NUP160: variants seen among roughly 807,000 people sequenced by gnomAD.
NUP160 encodes the protein nuclear pore complex protein Nup160.
In NUP160, 94 loss-of-function variants were observed where a neutral mutation model predicts 196.9. The observed-to-expected ratio is 0.48, with a 90% CI of 0.40 to 0.57. The LOEUF is 0.57. NUP160 is among the 20% of genes least tolerant of loss of function. The probability of loss-of-function intolerance (pLI) is 0.00; values close to 1 mark genes in which losing one functional copy is unlikely to be tolerated. For missense variants in NUP160, 1,638 were observed against 1,748.3 expected (o/e 0.94, Z 1.13); for synonymous variants, 605 against 619.7 (o/e 0.98, Z 0.35).
chr11:47,801,381 C>A (rs547866009), intron 23 of NUP160, among the ~76,000 whole-genome samples: 1 of 151,908 alleles, frequency 6.6e-6, no homozygotes, highest in East Asian at 1.9e-4. Context: ...GACGGAGTCT[C>A]GCTCTGTCAC....
intron 1 of NUP160, 30 bp from the exon 2 acceptor site, chr11:47,847,989 C>T (rs767599542): frequency 6.5e-7 from 1 of 1,546,718 alleles, no homozygotes; most frequent in Non-Finnish European, 8.9e-7. Flanking sequence ...AGCCTGCACA[C>T]GCGTCTTCTG....
rs550028663 is a variant in NUP160, at chr11:47,803,776, T to G, written c.2677-240A>C. On this transcript the variant is annotated intron_variant, in intron 21 of 35. Transcript: ENST00000378460. ...ACACATACTTTACATCTCAGCAATTTTCCAATTTTTGGTATTTATTGGTTC... is the reference window on the plus strand; with the variant it reads ...ACACATACTTTACATCTCAGCAATTGTCCAATTTTTGGTATTTATTGGTTC... 3.3e-5 allele frequency among the ~76,000 whole-genome samples: 5 copies of G among 152,320 alleles called. No homozygotes were observed. In the East Asian group the frequency reaches 5.8e-4, roughly 18 times the overall value.
chr11:47,781,446 G>A (rs1190693331), intron 34 of NUP160, among the ~76,000 whole-genome samples: 1 of 151,680 alleles, frequency 6.6e-6, no homozygotes. Flanking sequence ...TCTATTTTTT[G>A]TAGATAAAGG....
chr11:47,835,842 A>G, intron 6 of NUP160, 33 bp from the exon 7 acceptor site: 2 of 1,509,342 alleles, frequency 1.3e-6, no homozygotes, highest in South Asian at 1.3e-5. Flanking sequence ...GGTGATATTC[A>G]AGGGATATTC....
At chr11:47,790,270 T>C (rs964932337) in intron 29 of NUP160, among the ~76,000 whole-genome samples, 32 of 150,956 alleles carry the variant, frequency 2.1e-4, no homozygotes, top group African/African-American at 7.3e-4. Flanking sequence ...TTGGTTGTGG[T>C]TGTTTTGAGA....
intron 2 of NUP160, 66 bp downstream of exon 2, chr11:47,847,782 A>T: frequency 9.5e-7 from 1 of 1,053,862 alleles, no homozygotes; most frequent in Non-Finnish European, 1.5e-6. Context: ...CACTTTGGGT[A>T]CAGCGACGAA....
chr11:47,837,696 C>T, intron 4 of NUP160, 73 bp from the exon 5 acceptor site: 1 of 1,164,392 alleles, frequency 8.6e-7, no homozygotes, highest in Non-Finnish European at 1.3e-6. Context: ...TAACCATGAA[C>T]AAGGTCTTTA....
chr11:47,826,611 G>A (rs1599338257), intron 7 of NUP160, among the ~76,000 whole-genome samples: 1 of 149,264 alleles, frequency 6.7e-6, no homozygotes, highest in South Asian at 2.1e-4. Context: ...CACTTAGGCT[G>A]GAGTGCTATG....
intron 22 of NUP160, 28 bp downstream of exon 22, chr11:47,803,410 G>A (rs771199098): frequency 2.2e-6 from 3 of 1,366,538 alleles, no homozygotes; most frequent in East Asian, 2.3e-5. Context: ...AGTTTATAAA[G>A]TTTATTTGCC....
chr11:47,808,960 G>A (rs1380446257), intron 17 of NUP160, among the ~76,000 whole-genome samples: 2 of 152,008 alleles, frequency 1.3e-5, no homozygotes, highest in Non-Finnish European at 2.9e-5. Context: ...AATTAGCCAG[G>A]CATGGTGGTG....
chr11:47,792,191 C>A (rs1461993833), intron 28 of NUP160: 1 of 516,300 alleles, frequency 1.9e-6, no homozygotes, highest in East Asian at 3.3e-5. Flanking sequence ...TTAACCATAA[C>A]ATATTACTGA....
intron 7 of NUP160, chr11:47,827,226 T>C (rs1851986747): frequency 4.5e-6 from 2 of 445,504 alleles, no homozygotes; most frequent in African/African-American, 2.0e-5. Context: ...TAGCCATGTG[T>C]GGTCGCACAC....
chr11:47,837,686 T>C, intron 4 of NUP160, 63 bp from the exon 5 acceptor site: 1 of 1,259,234 alleles, frequency 7.9e-7, no homozygotes. Flanking sequence ...AAGAATGATG[T>C]AACCATGAAC....
At chr11:47,817,280 G>A (rs1343107762) in intron 11 of NUP160, among the ~76,000 whole-genome samples, 2 of 151,610 alleles carry the variant, frequency 1.3e-5, no homozygotes, top group African/African-American at 4.8e-5. Flanking sequence ...CACTACCGTT[G>A]GCCAAAGAAT....
At chr11:47,809,748 A>AAG in intron 17 of NUP160, among the ~76,000 whole-genome samples, 1 of 150,676 alleles carries the variant, frequency 6.6e-6, no homozygotes, top group African/African-American at 2.4e-5. Context: ...AAAAAAAAAA[A>AAG]AAAAAAAAAA....
chr11:47,847,570 A>G (rs1398399339), intron 2 of NUP160, among the ~76,000 whole-genome samples: 1 of 134,476 alleles, frequency 7.4e-6, no homozygotes, highest in Admixed American at 8.8e-5. Flanking sequence ...CATGTTTAAA[A>G]TTGGTCTTAT....
chr11:47,792,072 G>T, intron 28 of NUP160, 82 bp from the exon 29 acceptor site: 1 of 955,086 alleles, frequency 1.0e-6, no homozygotes, highest in Non-Finnish European at 1.6e-6. Context: ...TAGCTTTTAT[G>T]CTTAAATTTT....
intron 7 of NUP160, 153 bp from the exon 8 acceptor site, chr11:47,822,317 G>A (rs1485986932): frequency 6.2e-6 from 3 of 484,316 alleles, no homozygotes; most frequent in African/African-American, 4.0e-5. Flanking sequence ...GAGTGCAATG[G>A]CACGATCTCA....
chr11:47,779,319 T>TA (rs945596776), intron 35 of NUP160, 125 bp from the exon 36 acceptor site: 3 of 622,700 alleles, frequency 4.8e-6, no homozygotes, highest in Non-Finnish European at 8.4e-6. Context: ...CTCTGCTTCA[T>TA]AAAATCACCA....
Sources: allele counts gnomAD v4.1 joint callset (sites outside exome capture counted in the v4.1 genomes callset), GRCh38; gene constraint gnomAD v4.1.1; transcripts MANE v1.5; gene names NCBI Gene and HGNC (gene_info 2026-07-23, HGNC 2026-07-21).